Variants in HMGCLL1 observed in about 807,000 individuals in gnomAD.
The protein encoded by HMGCLL1 is 3-hydroxymethyl-3-methylglutaryl-CoA lyase, cytoplasmic.
Under a neutral mutation model 39.1 loss-of-function variants are expected in HMGCLL1, and 36 were observed. The ratio of observed to expected loss-of-function variants is 0.92; its 90% CI spans 0.71 to 1.22. HMGCLL1 has a LOEUF of 1.22. Among genes scored for constraint, HMGCLL1 ranks in the 50% most tolerant of loss-of-function variants. The pLI, the probability that HMGCLL1 is intolerant of heterozygous loss-of-function variation, is 0.00. For synonymous variants in HMGCLL1, 149 were observed against 144.0 expected, an observed-to-expected ratio of 1.03 and a Z score of -0.25; for missense variants, 451 against 416.5, an observed-to-expected ratio of 1.08 and a Z score of -0.72.
At chr6:55,453,472 T>C (rs1322761024) in intron 7 of HMGCLL1, among the ~76,000 whole-genome samples, 1 of 152,198 alleles carries the variant, frequency 6.6e-6, no homozygotes, top group African/African-American at 2.4e-5. Context: ...CAGAAGATTT[T>C]AATGAGATGT....
At chr6:55,455,408 C>T (rs554939594) in intron 7 of HMGCLL1, among the ~76,000 whole-genome samples, 7 of 151,598 alleles carry the variant, frequency 4.6e-5, no homozygotes, top group African/African-American at 7.3e-5. Flanking sequence ...TGAAGGCACC[C>T]GAAATGGTGC....
chr6:55,591,072 C>T, the HMGCLL1 span, among the ~76,000 whole-genome samples: 1 of 151,972 alleles, frequency 6.6e-6, no homozygotes, highest in Non-Finnish European at 1.5e-5. Flanking sequence ...AATAAAAAGA[C>T]ACTTTTTATG....
the HMGCLL1 span, among the ~76,000 whole-genome samples, chr6:55,663,072 T>G: frequency 6.6e-6 from 1 of 151,624 alleles, no homozygotes; most frequent in Non-Finnish European, 1.5e-5. Flanking sequence ...GCCTCTTCCC[T>G]GTTTTCTTTT....
At chr6:55,589,789 A>AC in the HMGCLL1 span, among the ~76,000 whole-genome samples, 1 of 152,072 alleles carries the variant, frequency 6.6e-6, no homozygotes, top group African/African-American at 2.4e-5. Flanking sequence ...TCATGAGTGA[A>AC]CTCCCATTCA....
rs557194235 is a variant in HMGCLL1 at position 55,435,539 on chromosome 6, ATC to A, written c.*121_*122del. On this transcript the variant is annotated 3_prime_UTR_variant, in exon 9 of 9. Coordinates refer to ENST00000274901, the MANE Select transcript of HMGCLL1 (RefSeq NM_001042406.2). ...TCCAGTTATAATCTTTTTGAAAAGG[ATC>A]TCTTTTTTCCCACTCTTGTCCATTA... 657 of 483,816 alleles carry A rather than the reference ATC, an allele frequency of 1.4e-3. 1 individual carries two copies. The highest frequency in any genetic ancestry group is 2.1e-3 in the Non-Finnish European group (566 of 268,794). The allele number at this position is 483,816 out of a possible 1,614,324, so 30.0% of individuals were successfully genotyped here. A position where few individuals can be genotyped will look rare whatever the true frequency, so the allele number is the denominator to read the frequency against.
intron 5 of HMGCLL1, 143 bp from the exon 6 acceptor site, chr6:55,499,442 C>T (rs966233684): frequency 6.1e-5 from 33 of 543,434 alleles, no homozygotes; most frequent in African/African-American, 5.5e-4. Context: ...TTGGACCAAA[C>T]CAAATGAAGT....
At chr6:55,563,773 T>G in intron 1 of HMGCLL1, 2 of 741,134 alleles carry the variant, frequency 2.7e-6, no homozygotes, top group Non-Finnish European at 4.0e-6. Flanking sequence ...TATTTTATTC[T>G]CCTTTCAAAC....
At chr6:55,560,199 G>A (rs1247272468) in intron 1 of HMGCLL1, among the ~76,000 whole-genome samples, 1 of 152,108 alleles carries the variant, frequency 6.6e-6, no homozygotes, top group Non-Finnish European at 1.5e-5. Context: ...TCACTCACTT[G>A]ATCAAAGCCT....
chr6:55,459,975 C>G (rs1764486855), intron 7 of HMGCLL1, among the ~76,000 whole-genome samples: 1 of 151,958 alleles, frequency 6.6e-6, no homozygotes, highest in Non-Finnish European at 1.5e-5. Context: ...TTCATTTCAG[C>G]TAATGTCTAT....
At chr6:55,481,760 C>A (rs1257437303) in intron 7 of HMGCLL1, among the ~76,000 whole-genome samples, 1 of 151,968 alleles carries the variant, frequency 6.6e-6, no homozygotes, top group Non-Finnish European at 1.5e-5. Flanking sequence ...TGAATTTTCA[C>A]AATTTTGGAA....
the HMGCLL1 span, among the ~76,000 whole-genome samples, chr6:55,672,183 A>G: frequency 6.6e-6 from 1 of 151,798 alleles, no homozygotes; most frequent in East Asian, 1.9e-4. Flanking sequence ...TATAGTTTCA[A>G]TTATATTTAA....
chr6:55,478,187 G>A (rs1201738005), intron 7 of HMGCLL1, among the ~76,000 whole-genome samples: 4 of 148,532 alleles, frequency 2.7e-5, no homozygotes, highest in Non-Finnish European at 1.5e-5. Context: ...ATAATCTCTT[G>A]TTACATTTTG....
intron 5 of HMGCLL1, among the ~76,000 whole-genome samples, chr6:55,501,237 G>T (rs1248419207): frequency 6.6e-6 from 1 of 151,834 alleles, no homozygotes; most frequent in African/African-American, 2.4e-5. Flanking sequence ...TCCCTTAACT[G>T]TATACTTTAA....
intron 1 of HMGCLL1, among the ~76,000 whole-genome samples, chr6:55,564,284 C>A (rs535919462): frequency 1.3e-5 from 2 of 151,932 alleles, no homozygotes; most frequent in Non-Finnish European, 2.9e-5. Flanking sequence ...CTTGTGAAAA[C>A]GATGGAAAAT....
At chr6:55,673,966 C>T in the HMGCLL1 span, among the ~76,000 whole-genome samples, 3 of 151,928 alleles carry the variant, frequency 2.0e-5, no homozygotes, top group Admixed American at 6.6e-5. Flanking sequence ...TAAACTAAAA[C>T]TTGTTATCTT....
At chr6:55,635,388 G>A in the HMGCLL1 span, among the ~76,000 whole-genome samples, 1 of 151,786 alleles carries the variant, frequency 6.6e-6, no homozygotes, top group African/African-American at 2.4e-5. Context: ...AATTAGTTAT[G>A]GCCAAGACCT....
chr6:55,544,886 G>A (rs1473485332), intron 1 of HMGCLL1, among the ~76,000 whole-genome samples: 1 of 152,150 alleles, frequency 6.6e-6, no homozygotes, highest in African/African-American at 2.4e-5. Flanking sequence ...GTGGAGGGAT[G>A]AGAGGAAGGC....
At chr6:55,525,495 T>G (rs1209729583) in intron 3 of HMGCLL1, among the ~76,000 whole-genome samples, 1 of 151,912 alleles carries the variant, frequency 6.6e-6, no homozygotes, top group Admixed American at 6.6e-5. Flanking sequence ...ACTGAAATAA[T>G]TAAGGCCCTT....
At chr6:55,479,446 C>T (rs1765617486) in intron 7 of HMGCLL1, among the ~76,000 whole-genome samples, 1 of 151,368 alleles carries the variant, frequency 6.6e-6, no homozygotes, top group Non-Finnish European at 1.5e-5. Flanking sequence ...ATATGGAATC[C>T]TAATAAAATC....
Sources: allele counts gnomAD v4.1 joint callset (sites outside exome capture counted in the v4.1 genomes callset), GRCh38; gene constraint gnomAD v4.1.1; transcripts MANE v1.5; gene names NCBI Gene and HGNC (gene_info 2026-07-23, HGNC 2026-07-21).